Variants in FAM228B observed in about 807,000 individuals in gnomAD.
The protein encoded by FAM228B is family with sequence similarity 228 member B, also known as protein FAM228B.
A neutral mutation model predicts 42.6 loss-of-function variants in FAM228B; 38 were observed. The observed-to-expected ratio is 0.89, with a 90% CI of 0.69 to 1.17. The LOEUF (loss-of-function observed/expected upper bound fraction) is 1.17. Ranked by LOEUF, FAM228B falls within the 50% of genes most tolerant of loss-of-function variation. The pLI, the probability that FAM228B is intolerant of heterozygous loss-of-function variation, is 0.00. For synonymous variants in FAM228B, 109 were observed against 122.3 expected (o/e 0.89, Z 0.72); for missense variants, 344 against 367.3 (o/e 0.94, Z 0.52).
rs983809743 is a variant in FAM228B, at chr2:24,139,451, G to A, written c.441+1G>A. The A allele has an allele frequency of 3.6e-5, 56 of 1,534,544 alleles. No individual in the cohort carries two copies. The Admixed American group carries it at 8.5e-4, about 23-fold the overall frequency. ...CAAGAAGGACCCCAATTTTCTGAAG[G>A]TAGGGTAGATTTCTTTTTTTTAACT... is the stretch of plus-strand genomic sequence containing the variant. On this transcript the variant is annotated splice_donor_variant, in intron 5 of 10. Coordinates refer to ENST00000615575, the MANE Select transcript of FAM228B (RefSeq NM_001145710.2). LOFTEE classifies it high-confidence loss of function.
intron 8 of FAM228B, among the ~76,000 whole-genome samples, chr2:24,163,392 G>A (rs1410290746): frequency 4.6e-5 from 7 of 152,216 alleles, no homozygotes. Flanking sequence ...TGGGCTCATT[G>A]TCCTTGAGGT....
At chr2:24,081,030 T>G in intron 2 of FAM228B, 6 of 1,611,280 alleles carry the variant, frequency 3.7e-6, no homozygotes, top group Non-Finnish European at 5.1e-6. Context: ...CCTGAACATT[T>G]CCTGTGACAG....
chr2:24,088,877 A>G (rs1166256717), intron 2 of FAM228B, among the ~76,000 whole-genome samples: 1 of 152,170 alleles, frequency 6.6e-6, no homozygotes, highest in East Asian at 1.9e-4. Flanking sequence ...CTCCAGGTAG[A>G]GAGTGTCAGA....
At chr2:24,168,417 G>A (rs928101987) in intron 10 of FAM228B, among the ~76,000 whole-genome samples, 1 of 152,194 alleles carries the variant, frequency 6.6e-6, no homozygotes, top group Non-Finnish European at 1.5e-5. Flanking sequence ...GTAGAGAAAG[G>A]GTTTCAGAAA....
rs990848878 is a variant in FAM228B at position 24,080,282 on chromosome 2, G to A, written c.-289-594G>A. ...AGGCTGGAGAATCACTTGAACCTGG[G>A]AGGCGGAGGTTGCAGCGAGCCGAGA... On this transcript the variant is annotated intron_variant, in intron 1 of 10. Transcript: ENST00000613899. This position sits in a 1 kb window ranked among gnomAD's most constrained non-coding sequence, Gnocchi z 4.7. Among the ~76,000 whole-genome samples, 3 of 151,894 alleles carry A rather than the reference G, an allele frequency of 2.0e-5. No homozygotes were observed. The East Asian group carries it at 5.8e-4, about 29-fold the overall frequency.
intron 3 of FAM228B, among the ~76,000 whole-genome samples, chr2:24,108,360 A>T (rs1469137584): frequency 6.6e-6 from 1 of 152,186 alleles, no homozygotes; most frequent in Non-Finnish European, 1.5e-5. Context: ...ATTCTACCTG[A>T]TGTATAAAGA....
chr2:24,122,287 T>C (rs1420909357), upstream of FAM228B: 6 of 689,028 alleles, frequency 8.7e-6, no homozygotes, highest in East Asian at 2.6e-5. Flanking sequence ...GATCATGCCA[T>C]TGCATCCCAG....
Position 24,138,091 on chromosome 2 carries a change from A to G in FAM228B, c.351A>G (p.Val117=). ...AATTAGATGGCTTTTTAAAACATGTAAATAAAAAGGTACTAAGAGATCATT... is the reference window on the plus strand; with the variant it reads ...AATTAGATGGCTTTTTAAAACATGTGAATAAAAAGGTACTAAGAGATCATT... ...QGELDGFLKH[V]NKKGNAFIEH... The change falls in exon 4 of 11, where the codon GTA becomes GTG. Residue 117 remains valine (V), a synonymous_variant. Transcript: ENST00000615575. 1.3e-6 allele frequency: 2 copies of G among 1,530,868 alleles called. No homozygotes were observed. Among genetic ancestry groups the G allele is most frequent in the South Asian group, 1.3e-5 (1 of 79,560 alleles). The allele number at this position is 1,530,868 out of a possible 1,614,324, so 94.8% of individuals were successfully genotyped here.
intron 3 of FAM228B, among the ~76,000 whole-genome samples, chr2:24,097,758 G>C (rs1236353058): frequency 6.6e-6 from 1 of 152,140 alleles, no homozygotes; most frequent in Non-Finnish European, 1.5e-5. Flanking sequence ...TCCAGGACTT[G>C]AACTCAGCCC....
chr2:24,158,057 G>C (rs1232680930), intron 7 of FAM228B, among the ~76,000 whole-genome samples: 1 of 152,002 alleles, frequency 6.6e-6, no homozygotes, highest in Non-Finnish European at 1.5e-5. Flanking sequence ...CAGTTAAAAT[G>C]TGATCTCTTT....
At chr2:24,125,717 C>T (rs1432176503) in intron 2 of FAM228B, among the ~76,000 whole-genome samples, 4 of 152,252 alleles carry the variant, frequency 2.6e-5, no homozygotes, top group Admixed American at 6.5e-5. Context: ...TGCGCCACCA[C>T]ACCTGGCTAA....
intron 7 of FAM228B, among the ~76,000 whole-genome samples, chr2:24,148,294 C>A (rs774208060): frequency 1.3e-5 from 2 of 152,168 alleles, no homozygotes; most frequent in Non-Finnish European, 2.9e-5. Context: ...CCCTCTCCCA[C>A]GGGAGTATAC....
chr2:24,126,612 CTTTT>C (rs36032006), intron 2 of FAM228B, among the ~76,000 whole-genome samples: 1 of 141,200 alleles, frequency 7.1e-6, no homozygotes, highest in Non-Finnish European at 1.5e-5. Flanking sequence ...AGATTCACTA[CTTTT>C]TTTTTTTTTT....
chr2:24,142,122 A>G (rs190657620), intron 5 of FAM228B, among the ~76,000 whole-genome samples: 2 of 152,232 alleles, frequency 1.3e-5, no homozygotes, highest in Admixed American at 1.3e-4. Context: ...GGCACTTCCC[A>G]GACCCTGCTC....
At chr2:24,123,814 G>A (rs1243526225) in intron 1 of FAM228B, among the ~76,000 whole-genome samples, 1 of 152,082 alleles carries the variant, frequency 6.6e-6, no homozygotes, top group East Asian at 1.9e-4. Context: ...GGCCGGGAGT[G>A]GGCGCGATGA....
At position 24,138,110 on chromosome 2, in the gene FAM228B, G is replaced by T; in HGVS notation, c.360+10G>T. ...ACATGTAAATAAAAAGGTACTAAGAGATCATTTGATGCTTTTTTCAGTTGA... is the reference window on the plus strand; with the variant it reads ...ACATGTAAATAAAAAGGTACTAAGATATCATTTGATGCTTTTTTCAGTTGA... On this transcript the variant is annotated intron_variant, in intron 4 of 10. Coordinates refer to ENST00000615575, the MANE Select transcript of FAM228B (RefSeq NM_001145710.2). 1.3e-6 allele frequency: 2 copies of T among 1,509,772 alleles called. No individual in the cohort carries two copies. Among genetic ancestry groups the T allele is most frequent in the South Asian group, 2.6e-5 (2 of 77,488 alleles). The allele number at this position is 1,509,772 out of a possible 1,614,324, so 93.5% of individuals were successfully genotyped here. A position where few individuals can be genotyped will look rare whatever the true frequency, so the allele number is the denominator to read the frequency against.
rs1665200645 is a variant in FAM228B, at chr2:24,085,093, G to T, written c.-210+4138G>T. ...ACGAGACCCAACCTCTTGGCGGGCG[G>T]ATTGGTCCATTTTCCAGGCATGGCC... On this transcript the variant is annotated intron_variant, in intron 2 of 10. Transcript: ENST00000613899. 6 of 152,174 alleles carry T rather than the reference G, an allele frequency of 3.9e-5. No homozygotes were observed. In the South Asian group the frequency reaches 1.2e-3, roughly 32 times the overall value. 9.4% of individuals were successfully genotyped at this position (152,174 alleles called of 1,614,324 possible). A position where few individuals can be genotyped will look rare whatever the true frequency, so the allele number is the denominator to read the frequency against.
chr2:24,124,484 T>C (rs1330467309), intron 2 of FAM228B, 24 bp downstream of exon 2: 1 of 1,462,062 alleles, frequency 6.8e-7, no homozygotes, highest in African/African-American at 1.4e-5. Flanking sequence ...AGTGTGGGAT[T>C]TGGAGATTTT....
At chr2:24,106,149 G>A (rs192032584) in intron 3 of FAM228B, among the ~76,000 whole-genome samples, 188 of 152,002 alleles carry the variant, frequency 1.2e-3, no homozygotes, top group African/African-American at 4.4e-3. Flanking sequence ...CCATCCCCAA[G>A]ACACATAATC....
Sources: gnomAD v4.1 joint callset for allele counts (sites outside exome capture counted in the v4.1 genomes callset) on GRCh38, gnomAD v4.1.1 for gene constraint, Gnocchi (gnomAD v3.1) non-coding constraint, MANE v1.5 for transcripts, NCBI Gene and HGNC (gene_info 2026-07-23, HGNC 2026-07-21) for gene names.